ZC3H12B: variants seen among roughly 807,000 people sequenced by gnomAD.
ZC3H12B encodes the protein zinc finger CCCH-type containing 12B, also known as probable ribonuclease ZC3H12B.
In ZC3H12B, 7 loss-of-function variants were observed where a neutral mutation model predicts 43.9. The ratio of observed to expected loss-of-function variants is 0.16; its 90% CI spans 0.09 to 0.30. The LOEUF is 0.30. Among genes scored for constraint, ZC3H12B ranks in the 10% least tolerant of loss-of-function variants. The pLI is 1.00. For missense variants in ZC3H12B, 475 were observed against 670.2 expected (o/e 0.71, Z 3.22); for synonymous variants, 222 against 241.7 (o/e 0.92, Z 0.76).
the ZC3H12B span, among the ~76,000 whole-genome samples, chrX:65,151,442 G>T: frequency 1.8e-5 from 2 of 111,888 alleles, no homozygotes; most frequent in South Asian, 7.4e-4. Context: ...ATTATTGTAT[G>T]TGACATCATC....
chrX:65,381,131 C>A (rs951881232), intron 2 of ZC3H12B, among the ~76,000 whole-genome samples: 2 of 111,371 alleles, frequency 1.8e-5, no homozygotes, highest in Non-Finnish European at 3.8e-5. Flanking sequence ...ACTCTCCACC[C>A]CAAATCAACA....
the ZC3H12B span, among the ~76,000 whole-genome samples, chrX:65,225,874 G>C: frequency 8.9e-6 from 1 of 112,169 alleles, no homozygotes; most frequent in Admixed American, 9.4e-5. Context: ...ATGGGACTTT[G>C]TGAAAAGACC....
chrX:65,079,704 C>T, the ZC3H12B span, among the ~76,000 whole-genome samples: 1 of 112,261 alleles, frequency 8.9e-6, no homozygotes, highest in Admixed American at 9.4e-5. Flanking sequence ...GATTAGAACA[C>T]AACACATAAG....
At chrX:65,094,741 G>T in the ZC3H12B span, among the ~76,000 whole-genome samples, 1 of 111,941 alleles carries the variant, frequency 8.9e-6, no homozygotes, top group Non-Finnish European at 1.9e-5. Flanking sequence ...TAAAATTGTT[G>T]TAATTGTATT....
the ZC3H12B span, among the ~76,000 whole-genome samples, chrX:65,048,433 A>C: frequency 1.3e-4 from 15 of 111,459 alleles, no homozygotes; most frequent in African/African-American, 4.9e-4. Context: ...AATACTTAGC[A>C]GTGGGGTTAC....
the ZC3H12B span, among the ~76,000 whole-genome samples, chrX:65,080,128 C>A: frequency 1.0e-5 from 1 of 100,333 alleles, no homozygotes; most frequent in Non-Finnish European, 2.0e-5. Context: ...ATTGACCAAG[C>A]AGAAGAAAGA....
At chrX:65,071,836 G>A in the ZC3H12B span, among the ~76,000 whole-genome samples, 1 of 111,701 alleles carries the variant, frequency 9.0e-6, no homozygotes, top group African/African-American at 3.3e-5. Context: ...AGTCTGATGG[G>A]CTTCTATTTG....
chrX:65,223,828 A>C, the ZC3H12B span, among the ~76,000 whole-genome samples: 2 of 112,185 alleles, frequency 1.8e-5, no homozygotes, highest in African/African-American at 6.5e-5. Flanking sequence ...ACTAGATGTT[A>C]TTGTGACATG....
chrX:65,240,902 C>A, the ZC3H12B span, among the ~76,000 whole-genome samples: 1 of 111,660 alleles, frequency 9.0e-6, no homozygotes, highest in Non-Finnish European at 1.9e-5. Context: ...GGAGTTATCA[C>A]CAGTGAAGGG....
the ZC3H12B span, among the ~76,000 whole-genome samples, chrX:65,299,024 C>T: frequency 1.8e-5 from 2 of 111,574 alleles, no homozygotes; most frequent in Admixed American, 1.9e-4. Flanking sequence ...TCCCTTGACA[C>T]GTGGGGATAA....
chrX:65,363,474 C>T (rs758763881), upstream of ZC3H12B, among the ~76,000 whole-genome samples: 8 of 111,532 alleles, frequency 7.2e-5, no homozygotes, highest in East Asian at 2.2e-3. Context: ...TTGTTTTTGC[C>T]ATCCTAACAA....
chrX:65,052,095 CA>C, the ZC3H12B span, among the ~76,000 whole-genome samples: 39 of 111,445 alleles, frequency 3.5e-4, no homozygotes, highest in African/African-American at 1.1e-3. Context: ...ACACATAAAG[CA>C]ATGGCAGGTA....
chrX:65,380,746 TA>T (rs745511426), intron 2 of ZC3H12B, among the ~76,000 whole-genome samples: 2 of 111,087 alleles, frequency 1.8e-5, no homozygotes, highest in Non-Finnish European at 1.9e-5. Flanking sequence ...AGGCTCAAAA[TA>T]AAAGGATGGA....
chrX:65,232,608 CAAA>C, the ZC3H12B span, among the ~76,000 whole-genome samples: 740 of 110,733 alleles, frequency 6.7e-3, 8 homozygotes, highest in African/African-American at 0.023. Context: ...TCACAGAAAA[CAAA>C]AAGCAAGAAA....
At chrX:65,312,740 G>A in the ZC3H12B span, among the ~76,000 whole-genome samples, 3 of 111,837 alleles carry the variant, frequency 2.7e-5, no homozygotes, top group Non-Finnish European at 5.6e-5. Flanking sequence ...TCTTCATTCT[G>A]TGTCCTCACC....
At chrX:65,301,531 A>C in the ZC3H12B span, among the ~76,000 whole-genome samples, 1 of 111,757 alleles carries the variant, frequency 8.9e-6, no homozygotes, top group Non-Finnish European at 1.9e-5. Context: ...AAAAAAAAAA[A>C]GGAATGAAAT....
chrX:65,448,816 A>T (rs183492390), intron 3 of ZC3H12B, among the ~76,000 whole-genome samples: 163 of 106,217 alleles, frequency 1.5e-3, no homozygotes, highest in Non-Finnish European at 2.4e-3. Context: ...ATACTCCAAA[A>T]AAAGAAGAAA....
At chrX:65,144,243 C>G in the ZC3H12B span, among the ~76,000 whole-genome samples, 1 of 111,484 alleles carries the variant, frequency 9.0e-6, no homozygotes, top group African/African-American at 3.3e-5. Flanking sequence ...TCCATCTCTT[C>G]TAGGTTTTCT....
chrX:65,205,613 G>C, the ZC3H12B span, among the ~76,000 whole-genome samples: 1 of 111,348 alleles, frequency 9.0e-6, no homozygotes, highest in Non-Finnish European at 1.9e-5. Context: ...CTGAAAACTG[G>C]AACAAGACAA....
Sources: gnomAD v4.1 joint callset for allele counts (sites outside exome capture counted in the v4.1 genomes callset) on GRCh38, gnomAD v4.1.1 for gene constraint, MANE v1.5 for transcripts, NCBI Gene and HGNC (gene_info 2026-07-23, HGNC 2026-07-21) for gene names.